The following ARFGEF1 variants were observed in gnomAD, a reference collection of about 807,000 sequenced individuals.
The protein encoded by ARFGEF1 is brefeldin A-inhibited guanine nucleotide-exchange protein 1.
Under a neutral mutation model 231.0 loss-of-function variants are expected in ARFGEF1, and 42 were observed. The observed-to-expected ratio is 0.18, with a 90% CI of 0.14 to 0.24. ARFGEF1 has a LOEUF of 0.24. Among genes scored for constraint, ARFGEF1 ranks in the 10% least tolerant of loss-of-function variants. ARFGEF1 has a pLI of 1.00. For missense variants in ARFGEF1, 1,345 were observed against 2,192.0 expected (o/e 0.61, Z 7.72); for synonymous variants, 710 against 732.3 (o/e 0.97, Z 0.49).
chr8:67,174,119 G>A (rs1189706305), downstream of ARFGEF1: 1 of 151,956 alleles, frequency 6.6e-6, no homozygotes, highest in Non-Finnish European at 1.5e-5. Flanking sequence ...CCATAGAATT[G>A]GGCTGTTCAT....
At chr8:67,236,366 ATATAT>A (rs1281411031) in intron 22 of ARFGEF1, among the ~76,000 whole-genome samples, 88 of 17,650 alleles carry the variant, frequency 5.0e-3, no homozygotes, top group Non-Finnish European at 6.6e-3. Context: ...AAAAAAAAAA[ATATAT>A]ATATATATAT....
chr8:67,181,510 T>C (rs1424899352), intron 5 of ARFGEF1, among the ~76,000 whole-genome samples: 1 of 152,054 alleles, frequency 6.6e-6, no homozygotes, highest in Non-Finnish European at 1.5e-5. Flanking sequence ...AGATGGTGTG[T>C]TGGAGTATTG....
chr8:67,184,941 T>TAAAAAAA (rs1834077276), intron 5 of ARFGEF1, among the ~76,000 whole-genome samples: 1 of 22,328 alleles, frequency 4.5e-5, no homozygotes, highest in African/African-American at 1.7e-4. Flanking sequence ...CTACTAAAAA[T>TAAAAAAA]ACAAAAAAAA....
intron 1 of ARFGEF1, among the ~76,000 whole-genome samples, chr8:67,304,886 C>T (rs2128917840): frequency 6.6e-6 from 1 of 152,284 alleles, no homozygotes; most frequent in Non-Finnish European, 1.5e-5. Flanking sequence ...CCTAAATCAT[C>T]ATAAAATAAT....
At chr8:67,336,345 A>C (rs929109906) in intron 1 of ARFGEF1, among the ~76,000 whole-genome samples, 1 of 152,252 alleles carries the variant, frequency 6.6e-6, no homozygotes, top group Non-Finnish European at 1.5e-5. Flanking sequence ...CTGTAAGTGG[A>C]AACTTGAATA....
chr8:67,178,034 T>C (rs1369607637), intron 5 of ARFGEF1, among the ~76,000 whole-genome samples: 2 of 152,234 alleles, frequency 1.3e-5, no homozygotes, highest in Non-Finnish European at 2.9e-5. Flanking sequence ...AGGATAATAG[T>C]ACATAAATTA....
chr8:67,180,023 TA>T (rs768421527), intron 5 of ARFGEF1: 78,687 of 449,048 alleles, frequency 0.18, 1 homozygote, highest in East Asian at 0.25. Context: ...TACAAGGTAG[TA>T]AAAAAAAAAA....
intron 34 of ARFGEF1, among the ~76,000 whole-genome samples, chr8:67,205,141 AT>A (rs148289116): frequency 1.3e-5 from 2 of 151,230 alleles, no homozygotes; most frequent in Non-Finnish European, 3.0e-5. Flanking sequence ...ACATTATGAG[AT>A]TTTTTTTTTC....
At chr8:67,263,528 A>T (rs1027930286) in intron 14 of ARFGEF1, among the ~76,000 whole-genome samples, 1 of 151,966 alleles carries the variant, frequency 6.6e-6, no homozygotes, top group African/African-American at 2.4e-5. Flanking sequence ...CTCTAATCTT[A>T]CCTCCTGTTA....
chr8:67,201,768 A>C (rs1838338109), intron 36 of ARFGEF1, 163 bp from the exon 37 acceptor site: 1 of 907,680 alleles, frequency 1.1e-6, no homozygotes, highest in East Asian at 2.8e-5. Context: ...CCATGTCCAG[A>C]ATTCCCTCCC....
rs537000421 is a variant in ARFGEF1 at position 67,302,415 on chromosome 8, A to C, written c.155+21T>G. On this transcript the variant is annotated intron_variant, in intron 2 of 38. Transcript: ENST00000262215. ...ACAAGTTTGAAAATTATTTTTACTA[A>C]AGAAAAGAAATCCCACAAACCTCTG... 500 of 1,556,912 alleles carry C rather than the reference A, an allele frequency of 3.2e-4. 5 individuals carry two copies. In the South Asian group the frequency reaches 4.5e-3, roughly 14 times the overall value.
At chr8:67,271,319 T>C (rs1805089860) in intron 10 of ARFGEF1, among the ~76,000 whole-genome samples, 1 of 152,148 alleles carries the variant, frequency 6.6e-6, no homozygotes, top group Non-Finnish European at 1.5e-5. Context: ...TACTTACAAA[T>C]GGTTTAAAAT....
chr8:67,175,188 T>G, downstream of ARFGEF1: 1 of 786,602 alleles, frequency 1.3e-6, no homozygotes, highest in Non-Finnish European at 2.1e-6. Context: ...TTTCTATCAT[T>G]TCCTTGATTT....
chr8:67,336,473 A>G lies in ARFGEF1; in HGVS notation c.124+6691T>C, dbSNP rs549545251. ...CTTAAAACAACAGAAATTTCCTCTCATAGTTCTGGTGGCCCAAAATCTAAA... is the reference window on the plus strand; with the variant it reads ...CTTAAAACAACAGAAATTTCCTCTCGTAGTTCTGGTGGCCCAAAATCTAAA... On this transcript the variant is annotated intron_variant, in intron 1 of 38. Coordinates refer to ENST00000262215, the MANE Select transcript of ARFGEF1 (RefSeq NM_006421.5). Among the ~76,000 whole-genome samples the G allele has an allele frequency of 1.6e-4, 24 of 152,344 alleles. 2 individuals carry two copies. The South Asian group carries it at 2.9e-3, about 18-fold the overall frequency.
intron 19 of ARFGEF1, among the ~76,000 whole-genome samples, chr8:67,241,218 CA>C (rs1300373955): frequency 6.6e-6 from 1 of 152,074 alleles, no homozygotes; most frequent in Non-Finnish European, 1.5e-5. Context: ...ACAAAAAAAA[CA>C]TAAGTCATAG....
chr8:67,225,049 T>C lies in ARFGEF1; in HGVS notation c.4078-16A>G, dbSNP rs758839405. ...CCTTGAAAGCCTTCAAGAAAAAAGG[T>C]AGGGTTATTAAAGGCAAAACATAAC... is the stretch of plus-strand genomic sequence containing the variant. On this transcript the variant is annotated splice_polypyrimidine_tract_variant and intron_variant, in intron 28 of 38. Coordinates refer to ENST00000262215, the MANE Select transcript of ARFGEF1 (RefSeq NM_006421.5). 4 of 1,580,594 alleles carry C rather than the reference T, an allele frequency of 2.5e-6. No individual in the cohort carries two copies. Among genetic ancestry groups the C allele is most frequent in the African/African-American group, 1.4e-5 (1 of 73,710 alleles).
At position 67,319,741 on chromosome 8, in the gene ARFGEF1, G is replaced by A. The variant is rs139159390; in HGVS notation, c.125-17275C>T. ...AAATGATTGCTCTGTGAAAGACAATGTTAAGAGAATAAAAGGTAAGCTACA... is the reference window on the plus strand; with the variant it reads ...AAATGATTGCTCTGTGAAAGACAATATTAAGAGAATAAAAGGTAAGCTACA... On this transcript the variant is annotated intron_variant, in intron 1 of 38. Transcript: ENST00000262215. 1.3e-3 allele frequency among the ~76,000 whole-genome samples: 204 copies of A among 152,262 alleles called. 2 individuals carry two copies. The highest frequency in any genetic ancestry group is 4.7e-3 in the African/African-American group (197 of 41,558).
intron 5 of ARFGEF1, among the ~76,000 whole-genome samples, chr8:67,186,993 C>G (rs1196821657): frequency 2.0e-5 from 3 of 151,588 alleles, no homozygotes; most frequent in African/African-American, 4.9e-5. Context: ...ATCTATCTAT[C>G]TATCTATCTA....
downstream of ARFGEF1, chr8:67,174,724 C>A (rs575002405): frequency 1.4e-3 from 212 of 152,442 alleles, 1 homozygote; most frequent in Non-Finnish European, 2.5e-3. Flanking sequence ...AAGACCGTGC[C>A]ACTGCACTCC....
Sources: gnomAD v4.1 joint callset for allele counts (sites outside exome capture counted in the v4.1 genomes callset) on GRCh38, gnomAD v4.1.1 for gene constraint, MANE v1.5 for transcripts, NCBI Gene and HGNC (gene_info 2026-07-23, HGNC 2026-07-21) for gene names.